Variants in ANKRD33B observed in about 807,000 individuals in gnomAD.
ANKRD33B encodes the protein ankyrin repeat domain-containing protein 33B.
A neutral mutation model predicts 21.5 loss-of-function variants in ANKRD33B; 6 were observed. The observed-to-expected ratio is 0.28, with a 90% CI of 0.15 to 0.55. The LOEUF (loss-of-function observed/expected upper bound fraction) is 0.55, where lower values mean the gene tolerates loss of function less well. Among genes scored for constraint, ANKRD33B ranks in the 20% least tolerant of loss-of-function variants. The pLI, the probability that ANKRD33B is intolerant of heterozygous loss-of-function variation, is 0.94. For missense variants in ANKRD33B, 698 were observed against 747.2 expected (o/e 0.93, Z 0.77); for synonymous variants, 347 against 342.4 (o/e 1.01, Z -0.15).
intron 2 of ANKRD33B, among the ~76,000 whole-genome samples, chr5:10,634,092 C>T (rs1191652937): frequency 1.3e-5 from 2 of 152,184 alleles, no homozygotes; most frequent in Non-Finnish European, 2.9e-5. Flanking sequence ...CAGATTGTCT[C>T]CTATAATTTT....
chr5:10,628,422 TCCAC>T (rs1204803547), intron 2 of ANKRD33B, among the ~76,000 whole-genome samples: 2 of 152,186 alleles, frequency 1.3e-5, no homozygotes, highest in South Asian at 4.1e-4. Flanking sequence ...TCTCAGGTCA[TCCAC>T]CCACTTCGGC....
intron 1 of ANKRD33B, among the ~76,000 whole-genome samples, chr5:10,610,057 C>T (rs1298856125): frequency 6.6e-6 from 1 of 152,218 alleles, no homozygotes; most frequent in Non-Finnish European, 1.5e-5. Flanking sequence ...GGTGGCCAGT[C>T]TTACTGGCAA....
chr5:10,573,778 G>A (rs1174795281), intron 1 of ANKRD33B, among the ~76,000 whole-genome samples: 1 of 152,194 alleles, frequency 6.6e-6, no homozygotes, highest in Admixed American at 6.5e-5. Flanking sequence ...AACAGCAAGG[G>A]GGAATCTGCC....
intron 3 of ANKRD33B, among the ~76,000 whole-genome samples, chr5:10,643,487 T>A (rs1191142370): frequency 2.0e-5 from 3 of 152,056 alleles, no homozygotes; most frequent in Non-Finnish European, 4.4e-5. Context: ...TGTGTACTCT[T>A]CCTCGCTTGT....
chr5:10,622,002 T>G (rs1199289024), intron 2 of ANKRD33B, among the ~76,000 whole-genome samples: 1 of 152,218 alleles, frequency 6.6e-6, no homozygotes, highest in Non-Finnish European at 1.5e-5. Flanking sequence ...AGAAGACAGC[T>G]GCCTGCAAAC....
At chr5:10,567,868 G>A (rs1212452917) in intron 1 of ANKRD33B, among the ~76,000 whole-genome samples, 2 of 152,198 alleles carry the variant, frequency 1.3e-5, no homozygotes, top group African/African-American at 4.8e-5. Flanking sequence ...CAGCTTTGGT[G>A]CAGTGGAGGG....
intron 1 of ANKRD33B, among the ~76,000 whole-genome samples, chr5:10,577,226 C>T (rs1735343586): frequency 6.6e-6 from 1 of 152,068 alleles, no homozygotes. Context: ...GCCTCCCGGG[C>T]TCAAGCAGTT....
chr5:10,628,822 G>A (rs1264619957), intron 2 of ANKRD33B, among the ~76,000 whole-genome samples: 3 of 152,148 alleles, frequency 2.0e-5, no homozygotes, highest in Admixed American at 6.6e-5. Context: ...GAACGTGGAC[G>A]ATGAGACACC....
intron 1 of ANKRD33B, among the ~76,000 whole-genome samples, chr5:10,585,884 G>A (rs960176102): frequency 6.6e-6 from 1 of 152,206 alleles, no homozygotes; most frequent in Admixed American, 6.5e-5. Context: ...ACCTGAAGCA[G>A]TTGCATCCAT....
At chr5:10,578,714 A>C (rs1735376021) in intron 1 of ANKRD33B, among the ~76,000 whole-genome samples, 1 of 152,202 alleles carries the variant, frequency 6.6e-6, no homozygotes, top group Non-Finnish European at 1.5e-5. Context: ...TCATTTTTAA[A>C]TTTTATCAAG....
At chr5:10,572,374 C>A (rs914953774) in intron 1 of ANKRD33B, among the ~76,000 whole-genome samples, 1 of 152,066 alleles carries the variant, frequency 6.6e-6, no homozygotes, top group Non-Finnish European at 1.5e-5. Flanking sequence ...GAGTCAGGGC[C>A]TACTTTTCAA....
At chr5:10,632,166 C>T (rs1255151676) in intron 2 of ANKRD33B, among the ~76,000 whole-genome samples, 1 of 151,824 alleles carries the variant, frequency 6.6e-6, no homozygotes, top group African/African-American at 2.4e-5. Flanking sequence ...TTTTCCTTCT[C>T]GGAGGCCCGT....
chr5:10,610,442 A>G (rs932621398), intron 1 of ANKRD33B, among the ~76,000 whole-genome samples: 9 of 151,546 alleles, frequency 5.9e-5, no homozygotes, highest in South Asian at 2.1e-4. Context: ...CCACATGTCA[A>G]TAGTGCCCTG....
chr5:10,567,928 G>A (rs1424356188), intron 1 of ANKRD33B, among the ~76,000 whole-genome samples: 2 of 152,248 alleles, frequency 1.3e-5, no homozygotes, highest in East Asian at 1.9e-4. Flanking sequence ...GCCCACAGCC[G>A]GCTTTCTAGG....
chr5:10,574,061 C>T (rs975912838), intron 1 of ANKRD33B, among the ~76,000 whole-genome samples: 9 of 152,224 alleles, frequency 5.9e-5, no homozygotes, highest in African/African-American at 2.2e-4. Flanking sequence ...CCTTCCTTGC[C>T]CCGGGCTCTT....
chr5:10,650,083 G>T lies in ANKRD33B; in HGVS notation c.1455G>T (p.Arg485Ser). ...GCCAGGCCGAGGCGCAGAAGGAGAGGCGCACTGCGCCCTGGAAGAAGAGGA... is the reference window on the plus strand; with the variant it reads ...GCCAGGCCGAGGCGCAGAAGGAGAGTCGCACTGCGCCCTGGAAGAAGAGGA... Reference protein sequence around the residue: ...KKRQAEAQKERRTAPWKKRT With the variant: ...KKRQAEAQKESRTAPWKKRT Residue 485 changes from arginine (R) to serine (S), a missense_variant, in exon 4 of 4, where the codon AGG (arginine) becomes AGT (serine). Arg to Ser is a moderately radical substitution (Grantham distance 110). This residue lies in a region of ANKRD33B where 543 missense variants were observed against 566.5 expected (regional missense o/e 0.96). Transcript: ENST00000296657. 6.5e-7 allele frequency: 1 copy of T among 1,527,984 alleles called. No homozygotes were observed. Among genetic ancestry groups the T allele is most frequent in the Non-Finnish European group, 8.8e-7 (1 of 1,142,122 alleles). 94.7% of individuals were successfully genotyped at this position (1,527,984 alleles called of 1,614,324 possible).
chr5:10,598,381 C>T (rs937038666), intron 1 of ANKRD33B, among the ~76,000 whole-genome samples: 2 of 152,314 alleles, frequency 1.3e-5, no homozygotes, highest in African/African-American at 4.8e-5. Flanking sequence ...ATTCTCCTGC[C>T]TCAGTCTCCC....
At chr5:10,626,574 G>C (rs1736552737) in intron 2 of ANKRD33B, among the ~76,000 whole-genome samples, 1 of 152,208 alleles carries the variant, frequency 6.6e-6, no homozygotes, top group African/African-American at 2.4e-5. Context: ...TGCGGGCGAT[G>C]TTGCAGGGTT....
At chr5:10,590,304 T>C (rs1735653526) in intron 1 of ANKRD33B, among the ~76,000 whole-genome samples, 1 of 152,270 alleles carries the variant, frequency 6.6e-6, no homozygotes, top group Admixed American at 6.5e-5. Context: ...TAGATTGTGT[T>C]ATCTTGTCCA....
Sources: allele counts gnomAD v4.1 joint callset (sites outside exome capture counted in the v4.1 genomes callset), GRCh38; gene constraint gnomAD v4.1.1; regional missense constraint gnomAD v4.1.1; transcripts MANE v1.5; gene names NCBI Gene and HGNC (gene_info 2026-07-23, HGNC 2026-07-21).